TBC1D12: variants seen among roughly 807,000 people sequenced by gnomAD.
The protein encoded by TBC1D12 is TBC1 domain family member 12, also known as TBC1 domain family, member 12.
TBC1D12 carries 56 observed loss-of-function variants against 86.7 expected under a neutral mutation model. That is an observed-to-expected ratio of 0.65 (90% CI 0.52 to 0.81). The LOEUF (loss-of-function observed/expected upper bound fraction) is 0.81. TBC1D12 is among the 30% of genes least tolerant of loss of function. The probability of loss-of-function intolerance (pLI) is 0.00; values close to 1 mark genes in which losing one functional copy is unlikely to be tolerated. For missense variants in TBC1D12, 1,023 were observed against 1,038.8 expected, an observed-to-expected ratio of 0.98 and a Z score of 0.21; for synonymous variants, 421 against 411.7, an observed-to-expected ratio of 1.02 and a Z score of -0.27.
At chr10:94,525,030 T>G (rs569082805) in intron 11 of TBC1D12, among the ~76,000 whole-genome samples, 2 of 152,054 alleles carry the variant, frequency 1.3e-5, no homozygotes, top group Non-Finnish European at 2.9e-5. Flanking sequence ...GTACCATACC[T>G]AATATTTCAC....
At chr10:94,495,325 C>T (rs1241976883) in intron 4 of TBC1D12, among the ~76,000 whole-genome samples, 1 of 151,934 alleles carries the variant, frequency 6.6e-6, no homozygotes, top group African/African-American at 2.4e-5. Flanking sequence ...TGCCCAGCCC[C>T]AGCTCATTTT....
intron 2 of TBC1D12, among the ~76,000 whole-genome samples, chr10:94,456,748 A>G (rs2055632578): frequency 6.6e-6 from 1 of 152,164 alleles, no homozygotes; most frequent in Non-Finnish European, 1.5e-5. Flanking sequence ...GGATCTGTCC[A>G]TTTCTGATAG....
chr10:94,412,089 T>C (rs2134050930), intron 1 of TBC1D12, among the ~76,000 whole-genome samples: 1 of 152,348 alleles, frequency 6.6e-6, no homozygotes, highest in South Asian at 2.1e-4. Context: ...AAAGTTAGGC[T>C]GCTTGGGTTT....
rs1842166694 is a variant in TBC1D12, at chr10:94,522,040, A to G, written c.1847A>G (p.Asn616Ser). Residue 616 changes from asparagine (N) to serine (S), a missense_variant, in exon 10 of 13, where the codon AAT (asparagine) becomes AGT (serine). Asn to Ser is a conservative substitution (Grantham distance 46). Around this residue, in one of 2 missense-constraint regions of TBC1D12, gnomAD observed 395 missense variants for 507.7 expected, o/e 0.78. Transcript: ENST00000225235. ...TTTATCGCATTTGCCAATCTCCTGA[A>G]TAAGCCATGCCAGTTGGCCTTTTTT... ...DAFIAFANLL[N>S]KPCQLAFFRV... 2 of 1,613,036 alleles carry G rather than the reference A, an allele frequency of 1.2e-6. No individual in the cohort carries two copies. The highest frequency in any genetic ancestry group is 1.7e-6 in the Non-Finnish European group (2 of 1,179,352).
At chr10:94,516,539 G>GTA (rs1056518381) in intron 9 of TBC1D12, among the ~76,000 whole-genome samples, 4 of 150,836 alleles carry the variant, frequency 2.7e-5, no homozygotes, top group Non-Finnish European at 5.9e-5. Flanking sequence ...TTTACATTAG[G>GTA]TATATCTCCT....
intron 3 of TBC1D12, among the ~76,000 whole-genome samples, chr10:94,478,719 G>T (rs1170344642): frequency 6.6e-6 from 1 of 152,142 alleles, no homozygotes; most frequent in African/African-American, 2.4e-5. Context: ...AAAATCCATG[G>T]AGTTTAGTCC....
intron 2 of TBC1D12, among the ~76,000 whole-genome samples, chr10:94,455,579 G>C (rs990560568): frequency 6.6e-6 from 1 of 152,084 alleles, no homozygotes; most frequent in Non-Finnish European, 1.5e-5. Flanking sequence ...GTTAGTTTGG[G>C]TATATTTCAA....
At chr10:94,481,111 G>A (rs2134156669) in intron 3 of TBC1D12, among the ~76,000 whole-genome samples, 1 of 143,520 alleles carries the variant, frequency 7.0e-6, no homozygotes, top group East Asian at 2.0e-4. Flanking sequence ...ATTTAACCGT[G>A]CTGTAAACAT....
chr10:94,405,744 G>T lies in TBC1D12; in HGVS notation c.971+2160G>T, dbSNP rs372542305. On this transcript the variant is annotated intron_variant, in intron 1 of 12. Transcript: ENST00000225235. ...TTAGAAAACTGTCCCTTACCTGCAG[G>T]TGGGGTGCAGGCTAATGGGGATTAA... Among the ~76,000 whole-genome samples the T allele has an allele frequency of 1.5e-4, 23 of 152,254 alleles. No individual in the cohort carries two copies. In the East Asian group the frequency reaches 4.1e-3, roughly 27 times the overall value.
At chr10:94,415,787 T>C (rs1480396832) in intron 1 of TBC1D12, among the ~76,000 whole-genome samples, 1 of 152,120 alleles carries the variant, frequency 6.6e-6, no homozygotes, top group East Asian at 1.9e-4. Context: ...AATTATCATA[T>C]AAGGTAACTA....
intron 1 of TBC1D12, among the ~76,000 whole-genome samples, chr10:94,409,260 A>T (rs141827571): frequency 6.6e-6 from 1 of 152,262 alleles, no homozygotes; most frequent in African/African-American, 2.4e-5. Context: ...CAGATTAGAG[A>T]TGTGATAACC....
chr10:94,403,254 G>A lies in TBC1D12; in HGVS notation c.641G>A (p.Gly214Asp). 6.6e-7 allele frequency: 1 copy of A among 1,505,074 alleles called. No homozygotes were observed. The allele number at this position is 1,505,074 out of a possible 1,614,324, so 93.2% of individuals were successfully genotyped here. A position where few individuals can be genotyped will look rare whatever the true frequency, so the allele number is the denominator to read the frequency against. Residue 214 changes from glycine to aspartate, a missense_variant, in exon 1 of 13, where the codon GGC becomes GAC. Gly to Asp is a moderately conservative substitution (Grantham distance 94, BLOSUM62 -1). This residue lies in a region of TBC1D12 where 628 missense variants were observed against 531.1 expected (regional missense o/e 1.18). Coordinates refer to ENST00000225235, the MANE Select transcript of TBC1D12 (RefSeq NM_015188.2). ...LVAADAQEPE[G>D]AGSDSGDSPA... ...GCCGCGGACGCCCAGGAGCCCGAGG[G>A]CGCGGGCAGCGACTCGGGGGACAGC...
intron 3 of TBC1D12, among the ~76,000 whole-genome samples, chr10:94,493,151 T>TACAC (rs10532128): frequency 9.3e-5 from 14 of 150,038 alleles, no homozygotes; most frequent in South Asian, 2.1e-4. Context: ...GACATAGAAC[T>TACAC]ACACACACAC....
intron 1 of TBC1D12, among the ~76,000 whole-genome samples, chr10:94,418,511 A>G (rs992845946): frequency 2.6e-5 from 4 of 152,112 alleles, no homozygotes; most frequent in Non-Finnish European, 2.9e-5. Context: ...TTTCTGTAGA[A>G]CTAGATATGT....
At chr10:94,469,070 A>G (rs2055864326) in intron 2 of TBC1D12, among the ~76,000 whole-genome samples, 1 of 152,242 alleles carries the variant, frequency 6.6e-6, no homozygotes, top group South Asian at 2.1e-4. Context: ...GAACTAAAAA[A>G]GTTTATAAAT....
chr10:94,512,974 C>A (rs1314374483), intron 9 of TBC1D12, among the ~76,000 whole-genome samples: 3 of 151,752 alleles, frequency 2.0e-5, no homozygotes, highest in East Asian at 1.9e-4. Flanking sequence ...GCATGCCGGG[C>A]GTGGTGGCTC....
chr10:94,521,207 C>CA (rs1223292750), intron 9 of TBC1D12, among the ~76,000 whole-genome samples: 3 of 29,054 alleles, frequency 1.0e-4, no homozygotes, highest in African/African-American at 1.5e-4. Context: ...GACCCTGCTT[C>CA]AAAAAAAAGA....
chr10:94,531,689 GTTATTTTATGTTATGTTATT>G (rs1448297143), intron 12 of TBC1D12, among the ~76,000 whole-genome samples: 12 of 72,912 alleles, frequency 1.6e-4, no homozygotes, highest in African/African-American at 4.7e-4. Flanking sequence ...TTTATTTTAT[GTTATTTTATGTTATGTTATT>G]TTATGTTATT....
At chr10:94,469,180 C>G (rs1439257172) in intron 2 of TBC1D12, among the ~76,000 whole-genome samples, 1 of 152,286 alleles carries the variant, frequency 6.6e-6, no homozygotes, top group African/African-American at 2.4e-5. Context: ...TTCACAATGT[C>G]TTACATCCAA....
Sources: allele counts gnomAD v4.1 joint callset (sites outside exome capture counted in the v4.1 genomes callset), GRCh38; gene constraint gnomAD v4.1.1; regional missense constraint gnomAD v4.1.1; transcripts MANE v1.5; gene names NCBI Gene and HGNC (gene_info 2026-07-23, HGNC 2026-07-21).